CCNY: variants seen among roughly 807,000 people sequenced by gnomAD.
CCNY encodes the protein cyclin Y.
In CCNY, 19 loss-of-function variants were observed where a neutral mutation model predicts 42.8. That is an observed-to-expected ratio of 0.44 (90% CI 0.31 to 0.65). The LOEUF (loss-of-function observed/expected upper bound fraction) is 0.65. Among genes scored for constraint, CCNY ranks in the 30% least tolerant of loss-of-function variants. CCNY has a pLI of 0.07. For synonymous variants in CCNY, 165 were observed against 162.7 expected, an observed-to-expected ratio of 1.01 and a Z score of -0.11; for missense variants, 370 against 437.3, an observed-to-expected ratio of 0.85 and a Z score of 1.37.
chr10:35,511,498 A>C (rs1271412993), intron 3 of CCNY, among the ~76,000 whole-genome samples: 1 of 151,944 alleles, frequency 6.6e-6, no homozygotes, highest in Admixed American at 6.5e-5. Flanking sequence ...TCTGTAGGGT[A>C]TTGTACAAGA....
At chr10:35,368,229 G>A (rs1219834574) in intron 1 of CCNY, among the ~76,000 whole-genome samples, 1 of 152,094 alleles carries the variant, frequency 6.6e-6, no homozygotes, top group Non-Finnish European at 1.5e-5. Context: ...CATGACCTTC[G>A]GTGAGTCTTG....
intron 7 of CCNY, among the ~76,000 whole-genome samples, chr10:35,548,325 A>G (rs937374219): frequency 3.4e-5 from 5 of 148,352 alleles, no homozygotes; most frequent in Non-Finnish European, 7.4e-5. Flanking sequence ...ATGAGACGGA[A>G]TCTCGCTGTG....
chr10:35,500,520 A>G (rs766952123), intron 2 of CCNY, among the ~76,000 whole-genome samples: 11 of 152,326 alleles, frequency 7.2e-5, no homozygotes, highest in South Asian at 2.1e-4. Flanking sequence ...ACCTTCTTCT[A>G]TCTTTTGTAC....
At chr10:35,406,098 C>T (rs889080796) in intron 1 of CCNY, among the ~76,000 whole-genome samples, 3 of 151,780 alleles carry the variant, frequency 2.0e-5, no homozygotes, top group African/African-American at 7.3e-5. Flanking sequence ...TGCCATTACT[C>T]TATTACTGTA....
At chr10:35,440,993 T>G (rs1838654547) in intron 1 of CCNY, among the ~76,000 whole-genome samples, 1 of 152,130 alleles carries the variant, frequency 6.6e-6, no homozygotes, top group Admixed American at 6.5e-5. Flanking sequence ...TTGCTTTGGG[T>G]TTTTCTCTAG....
intron 3 of CCNY, among the ~76,000 whole-genome samples, chr10:35,317,220 G>C (rs553560199): frequency 4.6e-5 from 7 of 152,138 alleles, no homozygotes; most frequent in African/African-American, 1.7e-4. Context: ...CAAACTCCTG[G>C]GCTCAAGTGA....
In CCNY at chr10:35,494,618, A is replaced by G. The variant is rs984462171; in HGVS notation, c.230-6883A>G. Reference sequence around the variant, plus strand: ...AAACTCATGTCCAAATGCATCTAACAATGAAATCATCAGTGATGGAAATAT... The same window carrying G: ...AAACTCATGTCCAAATGCATCTAACGATGAAATCATCAGTGATGGAAATAT... On this transcript the variant is annotated intron_variant, in intron 2 of 9. Coordinates refer to ENST00000374704, the MANE Select transcript of CCNY (RefSeq NM_145012.6). Among the ~76,000 whole-genome samples the G allele has an allele frequency of 5.3e-5, 8 of 152,234 alleles. 1 individual carries two copies. The highest frequency in any genetic ancestry group is 1.0e-4 in the Non-Finnish European group (7 of 68,038).
intron 1 of CCNY, among the ~76,000 whole-genome samples, chr10:35,377,650 A>G (rs1837082733): frequency 6.6e-6 from 1 of 152,256 alleles, no homozygotes; most frequent in South Asian, 2.1e-4. Context: ...ATTACAACTC[A>G]ATAATGGAAA....
chr10:35,355,064 C>T (rs897166959), intron 1 of CCNY, among the ~76,000 whole-genome samples: 2 of 152,230 alleles, frequency 1.3e-5, no homozygotes, highest in South Asian at 4.1e-4. Flanking sequence ...TCCTTTGCCC[C>T]ACTAGTGGGA....
chr10:35,392,468 G>T (rs1380523064), intron 1 of CCNY, among the ~76,000 whole-genome samples: 1 of 152,192 alleles, frequency 6.6e-6, no homozygotes, highest in East Asian at 1.9e-4. Flanking sequence ...ATGTCCCGTG[G>T]ACTCATTGAG....
At chr10:35,379,537 TTGAG>T (rs1178310566) in intron 1 of CCNY, among the ~76,000 whole-genome samples, 3 of 152,232 alleles carry the variant, frequency 2.0e-5, no homozygotes, top group African/African-American at 7.2e-5. Context: ...AGGGAAGTGA[TTGAG>T]TGAGCTACTG....
chr10:35,309,287 A>C lies in CCNY; in HGVS notation c.-9+58661A>C, dbSNP rs117766587. ...GCCCTCCACATGAGATAGGTCAGCA[A>C]TCACTCAGGTCCTGTGAGGAAGCAC... On this transcript the variant is annotated intron_variant, in intron 3 of 11. Coordinates refer to the CCNY transcript ENST00000374706. Among the ~76,000 whole-genome samples, 50 of 152,316 alleles carry C rather than the reference A, an allele frequency of 3.3e-4. No individual in the cohort carries two copies. The East Asian group carries it at 9.6e-3, about 29-fold the overall frequency.
At chr10:35,417,168 G>T (rs1277346659) in intron 1 of CCNY, among the ~76,000 whole-genome samples, 1 of 152,186 alleles carries the variant, frequency 6.6e-6, no homozygotes, top group Non-Finnish European at 1.5e-5. Flanking sequence ...TGGGAAGCAC[G>T]TGGAATGCCA....
chr10:35,563,781 A>G (rs1047360401), intron 8 of CCNY, among the ~76,000 whole-genome samples: 1 of 151,898 alleles, frequency 6.6e-6, no homozygotes, highest in African/African-American at 2.4e-5. Context: ...ATCTCGGCTC[A>G]CTGCAACTTC....
intron 2 of CCNY, among the ~76,000 whole-genome samples, chr10:35,500,756 C>T (rs1247739221): frequency 1.3e-5 from 2 of 152,252 alleles, no homozygotes; most frequent in Non-Finnish European, 2.9e-5. Flanking sequence ...CCTTCTACCT[C>T]TCTGGGGCAG....
chr10:35,419,923 A>T (rs985928661), intron 1 of CCNY, among the ~76,000 whole-genome samples: 5 of 135,584 alleles, frequency 3.7e-5, no homozygotes, highest in East Asian at 2.1e-4. Flanking sequence ...TATGGCTGTA[A>T]TTTTTTTTTT....
chr10:35,430,186 A>G (rs892519873), intron 1 of CCNY, among the ~76,000 whole-genome samples: 1 of 150,594 alleles, frequency 6.6e-6, no homozygotes, highest in South Asian at 2.1e-4. Context: ...AAATACAAAA[A>G]ATTAGCCGGG....
chr10:35,300,123 T>C (rs566310649), intron 3 of CCNY, among the ~76,000 whole-genome samples: 74 of 152,362 alleles, frequency 4.9e-4, no homozygotes, highest in Non-Finnish European at 1.0e-3. Context: ...TGCTCTTTGC[T>C]TGGCCTCGCA....
chr10:35,494,974 A>G (rs1407815850), intron 2 of CCNY, among the ~76,000 whole-genome samples: 2 of 152,260 alleles, frequency 1.3e-5, no homozygotes, highest in African/African-American at 2.4e-5. Context: ...TGGATCTGCA[A>G]CTTACTGAGC....
Sources: allele counts gnomAD v4.1 joint callset (sites outside exome capture counted in the v4.1 genomes callset), GRCh38; gene constraint gnomAD v4.1.1; transcripts MANE v1.5; gene names NCBI Gene and HGNC (gene_info 2026-07-23, HGNC 2026-07-21).